Variants in SLF2 observed in about 807,000 individuals in gnomAD.
SLF2 encodes SMC5/6 complex localization factor 2.
SLF2 carries 68 observed loss-of-function variants against 124.3 expected under a neutral mutation model. The observed-to-expected ratio is 0.55, with a 90% CI of 0.45 to 0.67. The LOEUF (loss-of-function observed/expected upper bound fraction) is 0.67, where lower values mean the gene tolerates loss of function less well. SLF2 is among the 30% of genes least tolerant of loss of function. The pLI is 0.00. For synonymous variants in SLF2, 480 were observed against 478.8 expected, an observed-to-expected ratio of 1.00 and a Z score of -0.03; for missense variants, 1,246 against 1,373.7, an observed-to-expected ratio of 0.91 and a Z score of 1.47.
intron 9 of SLF2, among the ~76,000 whole-genome samples, chr10:100,936,178 A>T (rs1849851510): frequency 6.6e-6 from 1 of 151,304 alleles, no homozygotes; most frequent in African/African-American, 2.4e-5. Context: ...AAAAGTTTTA[A>T]CCAAATTACA....
rs775615241 is a variant in SLF2 at position 100,947,015 on chromosome 10, A to G, written c.2935-24A>G. 5 of 1,575,998 alleles carry G rather than the reference A, an allele frequency of 3.2e-6. No homozygotes were observed. In the African/African-American group the frequency reaches 6.7e-5, roughly 21 times the overall value. On this transcript the variant is annotated intron_variant, in intron 13 of 19. Coordinates refer to ENST00000238961, the MANE Select transcript of SLF2 (RefSeq NM_018121.4). ...ATTCTACTGTTCTGTTTGAAAAGAA[A>G]TCTTACATGTTCTTTTTTTTCAGGT...
At position 100,964,274 on chromosome 10, in the gene SLF2, A is replaced by G. The variant is rs1480453142; in HGVS notation, c.*2362A>G. 1.3e-5 allele frequency: 2 copies of G among 152,638 alleles called. No homozygotes were observed. The highest frequency in any genetic ancestry group is 6.5e-5 in the Admixed American group (1 of 15,284). The allele number at this position is 152,638 out of a possible 1,614,324, so 9.5% of individuals were successfully genotyped here. Reference sequence around the variant, plus strand: ...GCACTGAGTGGTGGTGTGTTTGGCAATATTACTGTGCCAAAAATCACCTTG... The same window carrying G: ...GCACTGAGTGGTGGTGTGTTTGGCAGTATTACTGTGCCAAAAATCACCTTG... On this transcript the variant is annotated 3_prime_UTR_variant, in exon 20 of 20. Transcript: ENST00000238961.
rs368400222 is a variant in SLF2 at position 100,961,960 on chromosome 10, G to C, written c.*48G>C. 1.3e-5 allele frequency: 20 copies of C among 1,541,154 alleles called. No homozygotes were observed. The African/African-American group carries it at 1.6e-4, about 13-fold the overall frequency. On this transcript the variant is annotated 3_prime_UTR_variant, in exon 20 of 20. Coordinates refer to ENST00000238961, the MANE Select transcript of SLF2 (RefSeq NM_018121.4). ...ATGAACCAAGAGAAATTCAATAAGAGCCTTTCATAGAGGAGTAGAAAGGAT... is the reference window on the plus strand; with the variant it reads ...ATGAACCAAGAGAAATTCAATAAGACCCTTTCATAGAGGAGTAGAAAGGAT...
chr10:100,923,033 C>T (rs1849549024), intron 4 of SLF2, among the ~76,000 whole-genome samples: 1 of 152,106 alleles, frequency 6.6e-6, no homozygotes, highest in Non-Finnish European at 1.5e-5. Flanking sequence ...ACTCCGGCCT[C>T]CCAAAATGCT....
intron 1 of SLF2, among the ~76,000 whole-genome samples, chr10:100,914,315 T>G (rs973715729): frequency 3.3e-5 from 5 of 149,862 alleles, no homozygotes; most frequent in Admixed American, 6.7e-5. Context: ...TGTGTGTGTT[T>G]TTTTTTAAGC....
intron 13 of SLF2, 52 bp downstream of exon 13, chr10:100,945,558 G>T: frequency 7.4e-7 from 1 of 1,353,578 alleles, no homozygotes. Flanking sequence ...ATTACAATTT[G>T]ACTCATAGTG....
intron 12 of SLF2, among the ~76,000 whole-genome samples, 195 bp downstream of exon 12, chr10:100,944,323 G>A (rs982575564): frequency 4.0e-5 from 6 of 151,688 alleles, no homozygotes; most frequent in Non-Finnish European, 7.4e-5. Flanking sequence ...GTGAAAACCC[G>A]TCTCTACTAA....
At position 100,947,933 on chromosome 10, in the gene SLF2, C is replaced by A. The variant is rs1252031087; in HGVS notation, c.3120+86C>A. The A allele has an allele frequency of 9.5e-6, 9 of 951,478 alleles. No homozygotes were observed. In the African/African-American group the frequency reaches 1.3e-4, roughly 14 times the overall value. 58.9% of individuals were successfully genotyped at this position (951,478 alleles called of 1,614,324 possible). A position where few individuals can be genotyped will look rare whatever the true frequency, so the allele number is the denominator to read the frequency against. On this transcript the variant is annotated intron_variant, in intron 15 of 19. Transcript: ENST00000238961. Reference sequence around the variant, plus strand: ...AATTGATGAACCCTAAGTCAAAGGTCCTGGGGTCAGAGCTCAGCTCTTAAG... The same window carrying A: ...AATTGATGAACCCTAAGTCAAAGGTACTGGGGTCAGAGCTCAGCTCTTAAG...
chr10:100,957,608 C>A (rs1290221732), intron 18 of SLF2, among the ~76,000 whole-genome samples: 2 of 151,486 alleles, frequency 1.3e-5, no homozygotes, highest in Admixed American at 1.3e-4. Context: ...ATCTGCCTGC[C>A]TCGGCATCCC....
rs1850156106 is a variant in SLF2, at chr10:100,948,755, G to A, written c.3120+908G>A. ...AAAAAAATTACCCGGGCATGGTGGC[G>A]GACACGTGTAGTCCCAGCTACTCGG... On this transcript the variant is annotated intron_variant, in intron 15 of 19. Transcript: ENST00000238961. 5.3e-5 allele frequency among the ~76,000 whole-genome samples: 8 copies of A among 151,518 alleles called. No individual in the cohort carries two copies. In the South Asian group the frequency reaches 1.3e-3, roughly 24 times the overall value.
intron 5 of SLF2, among the ~76,000 whole-genome samples, chr10:100,925,242 A>G (rs925686385): frequency 1.3e-5 from 2 of 152,222 alleles, no homozygotes; most frequent in African/African-American, 4.8e-5. Context: ...TAGATTATAT[A>G]TATGTACCAC....
chr10:100,956,672 C>T, intron 18 of SLF2, 135 bp downstream of exon 18: 2 of 610,586 alleles, frequency 3.3e-6, no homozygotes, highest in South Asian at 2.5e-5. Context: ...TGCCTGTAAT[C>T]CCAATACTTT....
Position 100,959,513 on chromosome 10 carries a change from C to A in SLF2, c.3486+17C>A. The A allele has an allele frequency of 6.2e-7, 1 of 1,608,716 alleles. No homozygotes were observed. On this transcript the variant is annotated intron_variant, in intron 19 of 19. Coordinates refer to ENST00000238961, the MANE Select transcript of SLF2 (RefSeq NM_018121.4). ...CCTACTCAGGTGTCATTTTGTTATA[C>A]AATTTCATGTATTCTTAATAGTTTT...
intron 15 of SLF2, 75 bp from the exon 16 acceptor site, chr10:100,950,001 A>G (rs921729038): frequency 6.5e-6 from 9 of 1,386,184 alleles, no homozygotes; most frequent in Admixed American, 4.7e-5. Flanking sequence ...AAGAGTACAC[A>G]CTGGAAAAAA....
intron 9 of SLF2, among the ~76,000 whole-genome samples, chr10:100,932,634 A>C (rs1181396337): frequency 6.6e-6 from 1 of 152,128 alleles, no homozygotes; most frequent in Non-Finnish European, 1.5e-5. Flanking sequence ...AGCAATGAAA[A>C]AATCAGTGTC....
At chr10:100,954,732 T>C (rs921934334) in intron 17 of SLF2, among the ~76,000 whole-genome samples, 1 of 152,040 alleles carries the variant, frequency 6.6e-6, no homozygotes, top group Non-Finnish European at 1.5e-5. Context: ...TGCTTGAGCC[T>C]AGGAGTTTAA....
At chr10:100,930,238 T>A (rs1306884459) in intron 8 of SLF2, among the ~76,000 whole-genome samples, 1 of 152,194 alleles carries the variant, frequency 6.6e-6, no homozygotes, top group Admixed American at 6.5e-5. Flanking sequence ...ATAACAGTGA[T>A]TGTCAAAATA....
chr10:100,926,353 C>CAGTACTTT, intron 6 of SLF2: 1 of 1,350,490 alleles, frequency 7.4e-7, no homozygotes, highest in South Asian at 1.6e-5. Context: ...GCCTGTAATC[C>CAGTACTTT]AGTACTTTAG....
chr10:100,950,694 A>T lies in SLF2; in HGVS notation c.3271A>T (p.Ile1091Phe), dbSNP rs537516755. 6.2e-7 allele frequency: 1 copy of T among 1,613,686 alleles called. No homozygotes were observed. The highest frequency in any genetic ancestry group is 8.5e-7 in the Non-Finnish European group (1 of 1,179,828). Residue 1091 changes from isoleucine (I) to phenylalanine (F), a missense_variant, in exon 17 of 20, where the codon ATT (isoleucine) becomes TTT (phenylalanine). This residue lies in a region of SLF2 where 535 missense variants were observed against 632.8 expected (regional missense o/e 0.85). Transcript: ENST00000238961. ...CTAACAGGCATATTACCTGACCTACATTCTTCTTCATTTAGTCGGTGAAGT... is the reference window on the plus strand; with the variant it reads ...CTAACAGGCATATTACCTGACCTACTTTCTTCTTCATTTAGTCGGTGAAGT... ...LEKQAYYLTY[I>F]LLHLVGEVSC...
Sources: allele counts gnomAD v4.1 joint callset (sites outside exome capture counted in the v4.1 genomes callset), GRCh38; gene constraint gnomAD v4.1.1; regional missense constraint gnomAD v4.1.1; transcripts MANE v1.5; gene names NCBI Gene and HGNC (gene_info 2026-07-23, HGNC 2026-07-21).